MGAM2: variants seen among roughly 807,000 people sequenced by gnomAD.
MGAM2 encodes the protein probable maltase-glucoamylase 2.
In MGAM2, 98 loss-of-function variants were observed where a neutral mutation model predicts 96.1. The ratio of observed to expected loss-of-function variants is 1.02; its 90% CI spans 0.87 to 1.21. MGAM2 has a LOEUF of 1.21. MGAM2 is among the 50% of genes most tolerant of loss of function. The pLI, the probability that MGAM2 is intolerant of heterozygous loss-of-function variation, is 0.00. For synonymous variants in MGAM2, 749 were observed against 414.8 expected, an observed-to-expected ratio of 1.81 and a Z score of -9.79; for missense variants, 2,055 against 1,182.4, an observed-to-expected ratio of 1.74 and a Z score of -10.82.
intron 46 of MGAM2, among the ~76,000 whole-genome samples, chr7:142,214,081 G>T (rs1797673831): frequency 6.6e-6 from 1 of 152,122 alleles, no homozygotes; most frequent in South Asian, 2.1e-4. Flanking sequence ...AATAGATTCA[G>T]AAAAGGCCTT....
intron 6 of MGAM2, among the ~76,000 whole-genome samples, chr7:142,133,584 T>C (rs1794970679): frequency 6.6e-6 from 1 of 152,080 alleles, no homozygotes; most frequent in African/African-American, 2.4e-5. Flanking sequence ...GTCAGCTGTG[T>C]TATATATCAG....
chr7:142,161,169 G>C lies in MGAM2; in HGVS notation c.2390G>C (p.Arg797Thr). 1 of 702,792 alleles carries C rather than the reference G, an allele frequency of 1.4e-6. No homozygotes were observed. The highest frequency in any genetic ancestry group is 2.6e-6 in the Non-Finnish European group (1 of 384,838). The allele number at this position is 702,792 out of a possible 1,614,324, so 43.5% of individuals were successfully genotyped here. Residue 797 changes from arginine to threonine, a missense_variant, in exon 22 of 48, where the codon AGA (arginine) becomes ACA (threonine). Coordinates refer to ENST00000477922, the MANE Select transcript of MGAM2 (RefSeq NM_001293626.2). Reference sequence around the variant, plus strand: ...CTCATCATCGCCTTGGACTATAAGAGAGAAGCAAAGGGGGAGCTGTACTGG... The same window carrying C: ...CTCATCATCGCCTTGGACTATAAGACAGAAGCAAAGGGGGAGCTGTACTGG... ...LGLIIALDYK[R>T]EAKGELYWDD...
chr7:142,125,005 T>A (rs1186469685), intron 3 of MGAM2, among the ~76,000 whole-genome samples: 1 of 152,194 alleles, frequency 6.6e-6, no homozygotes, highest in Non-Finnish European at 1.5e-5. Context: ...TTTTCCAATG[T>A]GCATTCCATT....
Position 142,221,118 on chromosome 7 carries a change from ACTT to A in MGAM2, c.6611_6613del (p.Ser2204del), listed in dbSNP as rs1227118253. On this transcript the variant is annotated inframe_deletion, in exon 48 of 48. Transcript: ENST00000477922. ...TAGCAACAGTTTTTCCATTATGACC[ACTT>A]CTTTCTCTGAAAGTACTAATGCTAT... 5.6e-5 allele frequency: 39 copies of A among 702,344 alleles called. No homozygotes were observed. The highest frequency in any genetic ancestry group is 9.4e-5 in the Non-Finnish European group (36 of 384,752). 43.5% of individuals were successfully genotyped at this position (702,344 alleles called of 1,614,324 possible).
chr7:142,189,448 TG>T lies in MGAM2; in HGVS notation c.4291del (p.Glu1431SerfsTer24). On this transcript the variant is annotated frameshift_variant, in exon 37 of 48. Coordinates refer to ENST00000477922, the MANE Select transcript of MGAM2 (RefSeq NM_001293626.2). LOFTEE classifies it high-confidence loss of function. ...SQQILPDSSP[V>X]EHYNVHNLYG... ...CAGATCCTGCCGGACAGCTCCCCCG[TG>T]GAGCACTACAACGTGCACAACCTGT... The T allele has an allele frequency of 1.2e-6, 1 of 823,760 alleles. No homozygotes were observed. Among genetic ancestry groups the T allele is most frequent in the Non-Finnish European group, 2.1e-6 (1 of 482,812 alleles). The allele number at this position is 823,760 out of a possible 1,614,324, so 51.0% of individuals were successfully genotyped here.
At chr7:142,213,256 A>G (rs1797648463) in intron 46 of MGAM2, among the ~76,000 whole-genome samples, 1 of 152,210 alleles carries the variant, frequency 6.6e-6, no homozygotes, top group Non-Finnish European at 1.5e-5. Context: ...ATCATAGTTA[A>G]AAGAGCTAGA....
rs1585150278 is a variant in MGAM2 at position 142,133,941 on chromosome 7, G to A, written c.576-40G>A. 9.0e-6 allele frequency: 6 copies of A among 666,934 alleles called. No homozygotes were observed. In the East Asian group the frequency reaches 1.7e-4, roughly 19 times the overall value. 41.3% of individuals were successfully genotyped at this position (666,934 alleles called of 1,614,324 possible). On this transcript the variant is annotated intron_variant, in intron 6 of 47. Coordinates refer to ENST00000477922, the MANE Select transcript of MGAM2 (RefSeq NM_001293626.2). ...ATAGCTTCCTGGCAGAGGAAAGAGT[G>A]TTTTTCGGTGATTCTTGCTCTACTT... is the stretch of plus-strand genomic sequence containing the variant.
intron 15 of MGAM2, among the ~76,000 whole-genome samples, chr7:142,149,172 T>C (rs1795479479): frequency 6.6e-6 from 1 of 151,470 alleles, no homozygotes; most frequent in African/African-American, 2.4e-5. Flanking sequence ...GAGGTTGCAG[T>C]GAGCCGAGAT....
rs1797081794 is a variant in MGAM2 at position 142,197,471 on chromosome 7, C to T, written c.4704C>T (p.Thr1568=). ...LSRKVLETRY[T]LLPYLYTLMH... Reference sequence around the variant, plus strand: ...GAAAAGTCCTAGAGACCAGATATACCCTGCTTCCTTATCTCTATACTCTGA... The same window carrying T: ...GAAAAGTCCTAGAGACCAGATATACTCTGCTTCCTTATCTCTATACTCTGA... The change falls in exon 41 of 48, where the codon ACC becomes ACT. Residue 1568 remains threonine, a synonymous_variant. Coordinates refer to ENST00000477922, the MANE Select transcript of MGAM2 (RefSeq NM_001293626.2). 1 of 702,850 alleles carries T rather than the reference C, an allele frequency of 1.4e-6. No individual in the cohort carries two copies. 43.5% of individuals were successfully genotyped at this position (702,850 alleles called of 1,614,324 possible). A position where few individuals can be genotyped will look rare whatever the true frequency, so the allele number is the denominator to read the frequency against.
At position 142,175,737 on chromosome 7, in the gene MGAM2, T is replaced by C; in HGVS notation, c.3773T>C (p.Ile1258Thr). Residue 1258 changes from isoleucine to threonine, a missense_variant, in exon 32 of 48, where the codon ATT (isoleucine) becomes ACT (threonine). Coordinates refer to ENST00000477922, the MANE Select transcript of MGAM2 (RefSeq NM_001293626.2). ...AACTTTCAAAACCTCAGTCTTCTGA[T>C]TGAGCAAATGAAGAAAAATGGCATG... ...SANFQNLSLL[I>T]EQMKKNGMRF... 4.3e-6 allele frequency: 3 copies of C among 702,864 alleles called. No homozygotes were observed. Among genetic ancestry groups the C allele is most frequent in the South Asian group, 3.0e-5 (2 of 67,592 alleles). 43.5% of individuals were successfully genotyped at this position (702,864 alleles called of 1,614,324 possible).
At chr7:142,120,517 A>C (rs1275362312) in intron 3 of MGAM2, 136 bp downstream of exon 3, 1 of 552,944 alleles carries the variant, frequency 1.8e-6, no homozygotes, top group Non-Finnish European at 3.2e-6. Context: ...TTCTTATCTT[A>C]TTGAAATAAC....
chr7:142,195,972 C>A (rs1416909806), intron 37 of MGAM2, among the ~76,000 whole-genome samples, 182 bp from the exon 38 acceptor site: 1 of 152,126 alleles, frequency 6.6e-6, no homozygotes, highest in East Asian at 1.9e-4. Flanking sequence ...GCAGATATAC[C>A]TCTAGTCTTG....
At chr7:142,174,701 T>TTC (rs981291215) in intron 31 of MGAM2, among the ~76,000 whole-genome samples, 53 of 140,276 alleles carry the variant, frequency 3.8e-4, no homozygotes, top group Middle Eastern at 3.4e-3. Context: ...TGCCCTTTAT[T>TTC]TCTCTCTCTC....
In MGAM2 at chr7:142,169,344, C is replaced by T. The variant is rs1175708236; in HGVS notation, c.3028-731C>T. Among the ~76,000 whole-genome samples the T allele has an allele frequency of 5.3e-5, 8 of 152,178 alleles. No homozygotes were observed. The East Asian group carries it at 1.5e-3, about 29-fold the overall frequency. ...GGCTGAAGCATGGGAATCACTTGAA[C>T]CTGGGTGGTGGAGATCGCAGTAAGC... is the stretch of plus-strand genomic sequence containing the variant. On this transcript the variant is annotated intron_variant, in intron 26 of 47. Coordinates refer to ENST00000477922, the MANE Select transcript of MGAM2 (RefSeq NM_001293626.2).
intron 31 of MGAM2, 141 bp downstream of exon 31, chr7:142,173,495 T>C (rs897391245): frequency 2.7e-5 from 12 of 452,052 alleles, no homozygotes; most frequent in African/African-American, 2.3e-4. Context: ...TATACTATAA[T>C]ACTATGTACT....
rs536520731 is a variant in MGAM2, at chr7:142,206,290, T to C, written c.5138-2283T>C. Among the ~76,000 whole-genome samples, 4 of 152,300 alleles carry C rather than the reference T, an allele frequency of 2.6e-5. No homozygotes were observed. In the East Asian group the frequency reaches 7.7e-4, roughly 29 times the overall value. ...AAGCGGTTTTTCTCAACCTCAGCAA[T>C]ACTGACGTTTTGGGCTAAATAATTA... is the stretch of plus-strand genomic sequence containing the variant. On this transcript the variant is annotated intron_variant, in intron 45 of 47. Coordinates refer to ENST00000477922, the MANE Select transcript of MGAM2 (RefSeq NM_001293626.2).
intron 24 of MGAM2, among the ~76,000 whole-genome samples, chr7:142,165,399 G>A (rs149312987): frequency 2.0e-5 from 3 of 152,266 alleles, no homozygotes; most frequent in Middle Eastern, 3.4e-3. Flanking sequence ...TGTCCTTACC[G>A]TTTTAGGCTA....
rs1286362346 is a variant in MGAM2 at position 142,147,532 on chromosome 7, C to G, written c.1593C>G (p.Ile531Met). 2.8e-6 allele frequency: 2 copies of G among 702,892 alleles called. No homozygotes were observed. Among genetic ancestry groups the G allele is most frequent in the Admixed American group, 4.0e-5 (2 of 50,008 alleles). 43.5% of individuals were successfully genotyped at this position (702,892 alleles called of 1,614,324 possible). A position where few individuals can be genotyped will look rare whatever the true frequency, so the allele number is the denominator to read the frequency against. The change falls in exon 15 of 48, where the codon ATC (isoleucine) becomes ATG (methionine). Residue 531 changes from isoleucine (I) to methionine (M), a missense_variant. Physicochemically the swap from Ile to Met is conservative, Grantham distance 10. Coordinates refer to ENST00000477922, the MANE Select transcript of MGAM2 (RefSeq NM_001293626.2). ...TEFHGGLHYD[I>M]HSLYGHSMAR... ...TTCATGGGGGCCTTCATTATGACAT[C>G]CACAGCTTGTATGGCCACTCCATGG... is the stretch of plus-strand genomic sequence containing the variant.
intron 10 of MGAM2, among the ~76,000 whole-genome samples, chr7:142,140,202 A>T (rs1795180521): frequency 6.6e-6 from 1 of 152,164 alleles, no homozygotes; most frequent in South Asian, 2.1e-4. Flanking sequence ...CTCCCAGTGC[A>T]TGTATTTTGG....
Sources: allele counts gnomAD v4.1 joint callset (sites outside exome capture counted in the v4.1 genomes callset), GRCh38; gene constraint gnomAD v4.1.1; transcripts MANE v1.5; gene names NCBI Gene and HGNC (gene_info 2026-07-23, HGNC 2026-07-21).